ANKRD37: variants seen among roughly 807,000 people sequenced by gnomAD.
ANKRD37 encodes the protein ankyrin repeat domain-containing protein 37.
ANKRD37 carries 17 observed loss-of-function variants against 19.7 expected under a neutral mutation model. The observed-to-expected ratio is 0.86, with a 90% CI of 0.59 to 1.29. The LOEUF (loss-of-function observed/expected upper bound fraction) is 1.29, where lower values mean the gene tolerates loss of function less well. ANKRD37 is among the 50% of genes most tolerant of loss of function. The probability of loss-of-function intolerance (pLI) is 0.00; values close to 1 mark genes in which losing one functional copy is unlikely to be tolerated. For synonymous variants in ANKRD37, 79 were observed against 74.5 expected, an observed-to-expected ratio of 1.06 and a Z score of -0.31; for missense variants, 207 against 190.4, an observed-to-expected ratio of 1.09 and a Z score of -0.51.
In ANKRD37 at chr4:185,399,785, A is replaced by G; in HGVS notation, c.476+12A>G. ...AAAAGGAAGTGCTGGTAAGTAACTC[A>G]GAGCTGCTGCTTTTTTCCTCCCGCA... On this transcript the variant is annotated intron_variant, in intron 4 of 4. Transcript: ENST00000335174. The G allele has an allele frequency of 7.4e-6, 12 of 1,613,726 alleles. No homozygotes were observed. The highest frequency in any genetic ancestry group is 1.0e-5 in the Non-Finnish European group (12 of 1,179,754).
At chr4:185,397,005 G>C (rs2095505264) in intron 1 of ANKRD37, 55 bp downstream of exon 1, 2 of 1,611,940 alleles carry the variant, frequency 1.2e-6, no homozygotes, top group African/African-American at 2.7e-5. Context: ...CAAGCTTCTA[G>C]ATTCGTCTTC....
chr4:185,398,794 CAAAAA>C (rs34434090), intron 2 of ANKRD37, 138 bp from the exon 3 acceptor site: 172 of 253,400 alleles, frequency 6.8e-4, no homozygotes, highest in Admixed American at 9.9e-4. Flanking sequence ...TGTTCTCTGC[CAAAAA>C]AAAAAAAAAA....
At position 185,399,699 on chromosome 4, in the gene ANKRD37, T is replaced by C; in HGVS notation, c.402T>C (p.Asn134=). ...AAGCAAGTGAACACCCTGACAGGAA[T>C]GATTGTGTTGCCGTGCTCAGACAGA... The part of the protein sequence containing the change: ...TIKASEHPDR[N]DCVAVLRQKR... Residue 134 remains asparagine (N), a synonymous_variant, in exon 4 of 5, where the codon AAT becomes AAC. Coordinates refer to ENST00000335174, the MANE Select transcript of ANKRD37 (RefSeq NM_181726.4). 1.9e-6 allele frequency: 3 copies of C among 1,614,140 alleles called. No homozygotes were observed. The highest frequency in any genetic ancestry group is 1.6e-4 in the Middle Eastern group (1 of 6,062).
At position 185,399,752 on chromosome 4, in the gene ANKRD37, C is replaced by G. The variant is rs4317244; in HGVS notation, c.455C>G (p.Thr152Ser). The change falls in exon 4 of 5, where the codon ACC becomes AGC. Residue 152 changes from threonine to serine, a missense_variant. Coordinates refer to ENST00000335174, the MANE Select transcript of ANKRD37 (RefSeq NM_181726.4). ...QKRSLGSVEN[T>S]SGKRKC ...CGGAGTCTCGGAAGTGTAGAAAATA[C>G]CAGTGGGAAAAGGAAGTGCTGGTAA... 0.048 allele frequency: 77,380 copies of G among 1,613,914 alleles called. 2,779 individuals are homozygous for G. Among genetic ancestry groups the G allele is most frequent in the African/African-American group, 0.15 (11,566 of 74,996 alleles).
intron 3 of ANKRD37, 90 bp downstream of exon 3, chr4:185,399,118 ATAATGCTTGCG>A: frequency 9.2e-7 from 1 of 1,086,534 alleles, no homozygotes; most frequent in Non-Finnish European, 1.4e-6. Context: ...GCTTTTAAAA[ATAATGCTTGCG>A]TAATTGATAA....
chr4:185,399,086 C>G, intron 3 of ANKRD37, 58 bp downstream of exon 3: 1 of 1,386,664 alleles, frequency 7.2e-7, no homozygotes, highest in Non-Finnish European at 1.0e-6. Flanking sequence ...ACTAATCAGA[C>G]TCCTGAAGCT....
rs1450535135 is a variant in ANKRD37 at position 185,398,924 on chromosome 4, A to G, written c.181-13A>G. 1.9e-6 allele frequency: 3 copies of G among 1,611,180 alleles called. No homozygotes were observed. Among genetic ancestry groups the G allele is most frequent in the African/African-American group, 2.7e-5 (2 of 74,858 alleles). ...TTTTTGGGAGACTCTAAAATGCACC[A>G]TCTTACCTTAAGGATGTTTTAGGAG... On this transcript the variant is annotated splice_polypyrimidine_tract_variant and intron_variant, in intron 2 of 4. Coordinates refer to ENST00000335174, the MANE Select transcript of ANKRD37 (RefSeq NM_181726.4).
rs2095505372 is a variant in ANKRD37, at chr4:185,397,043, C to CGCTG, written c.27+94_27+97dup. ...GTTAATGCGGGGACGGACCACTGGG[C>CGCTG]GCTGCCTGGTCAGAGCTGGTTGTGA... On this transcript the variant is annotated intron_variant, in intron 1 of 4. Transcript: ENST00000335174. The CGCTG allele has an allele frequency of 7.5e-6, 12 of 1,608,956 alleles. No individual in the cohort carries two copies. In the South Asian group the frequency reaches 1.3e-4, roughly 18 times the overall value.
intron 1 of ANKRD37, 49 bp from the exon 2 acceptor site, chr4:185,397,101 G>A: frequency 1.9e-6 from 3 of 1,610,298 alleles, no homozygotes; most frequent in South Asian, 2.2e-5. Context: ...GGAGGGGCGC[G>A]GGACTGGACA....
intron 2 of ANKRD37, among the ~76,000 whole-genome samples, chr4:185,398,445 A>G (rs757804798): frequency 4.3e-4 from 66 of 152,230 alleles, no homozygotes; most frequent in Non-Finnish European, 7.5e-4. Context: ...GTACATTTCT[A>G]TGTTTCAAAT....
chr4:185,399,759 G>A lies in ANKRD37; in HGVS notation c.462G>A (p.Gly154=), dbSNP rs932698618. The A allele has an allele frequency of 6.2e-7, 1 of 1,614,052 alleles. No homozygotes were observed. ...TCGGAAGTGTAGAAAATACCAGTGGGAAAAGGAAGTGCTGGTAAGTAACTC... is the reference window on the plus strand; with the variant it reads ...TCGGAAGTGTAGAAAATACCAGTGGAAAAAGGAAGTGCTGGTAAGTAACTC... ...RSLGSVENTS[G]KRKC is the part of the protein sequence containing the mutation. Residue 154 remains glycine (G), a synonymous_variant, in exon 4 of 5, where the codon GGG becomes GGA. Transcript: ENST00000335174.
At chr4:185,398,841 A>T in intron 2 of ANKRD37, 96 bp from the exon 3 acceptor site, 1 of 963,512 alleles carries the variant, frequency 1.0e-6, no homozygotes, top group Non-Finnish European at 1.6e-6. Flanking sequence ...ATGCAGTTCT[A>T]ACTAGCTTCC....
intron 2 of ANKRD37, among the ~76,000 whole-genome samples, chr4:185,398,018 C>T (rs1193603968): frequency 1.3e-5 from 2 of 152,242 alleles, no homozygotes; most frequent in Admixed American, 6.5e-5. Flanking sequence ...AGTGCAATGG[C>T]GCGATCTCGG....
rs934493413 is a variant in ANKRD37 at position 185,396,908 on chromosome 4, C to T, written c.-16C>T. 6.2e-7 allele frequency: 1 copy of T among 1,613,358 alleles called. No individual in the cohort carries two copies. The highest frequency in any genetic ancestry group is 1.7e-5 in the Admixed American group (1 of 60,034). On this transcript the variant is annotated 5_prime_UTR_variant, in exon 1 of 5. Coordinates refer to ENST00000335174, the MANE Select transcript of ANKRD37 (RefSeq NM_181726.4). Reference sequence around the variant, plus strand: ...CTGCACTTCCAAGGACTCTTGTCATCTGCCTTAGGCGGGAAATGCTGTTGC... The same window carrying T: ...CTGCACTTCCAAGGACTCTTGTCATTTGCCTTAGGCGGGAAATGCTGTTGC...
chr4:185,397,088 C>T, intron 1 of ANKRD37, 62 bp from the exon 2 acceptor site: 2 of 1,608,962 alleles, frequency 1.2e-6, no homozygotes, highest in Non-Finnish European at 1.7e-6. Context: ...AGGTTTCCAG[C>T]CCGGAGGGGC....
Position 185,398,946 on chromosome 4 carries a change from G to T in ANKRD37, c.190G>T (p.Gly64Ter). Reference protein sequence around the residue: ...GADLNQQDVLGEAPLHKAAKV... With the variant: ...GADLNQQDVL ...ACCATCTTACCTTAAGGATGTTTTA[G>T]GAGAAGCTCCACTACACAAGGCAGC... Residue 64 changes from glycine to a stop codon, truncating the protein, a stop_gained, in exon 3 of 5, where the codon GGA becomes TGA. Transcript: ENST00000335174. LOFTEE classifies it high-confidence loss of function. 6.2e-7 allele frequency: 1 copy of T among 1,613,640 alleles called. No individual in the cohort carries two copies. The highest frequency in any genetic ancestry group is 1.1e-5 in the South Asian group (1 of 91,048).
intron 2 of ANKRD37, among the ~76,000 whole-genome samples, chr4:185,398,555 G>A (rs767178371): frequency 2.6e-5 from 4 of 152,170 alleles, no homozygotes; most frequent in Non-Finnish European, 4.4e-5. Context: ...GAATGCTGAA[G>A]TTATAATAGT....
At chr4:185,397,125 T>TG in intron 1 of ANKRD37, 25 bp from the exon 2 acceptor site, 1 of 1,612,422 alleles carries the variant, frequency 6.2e-7, no homozygotes, top group Middle Eastern at 1.9e-4. Flanking sequence ...GTGGGAAGGG[T>TG]GCTGGATCTG....
downstream of ANKRD37, chr4:185,400,335 T>C (rs2095511784): frequency 1.5e-6 from 2 of 1,352,424 alleles, no homozygotes. Flanking sequence ...ATTAAACTGA[T>C]TCTTTATTCA....
Sources: gnomAD v4.1 joint callset for allele counts (sites outside exome capture counted in the v4.1 genomes callset) on GRCh38, gnomAD v4.1.1 for gene constraint, MANE v1.5 for transcripts, NCBI Gene and HGNC (gene_info 2026-07-23, HGNC 2026-07-21) for gene names.